Variants in NBPF11 observed in about 807,000 individuals in gnomAD.
NBPF11 encodes the protein NBPF family member NBPF11.
A neutral mutation model predicts 93.9 loss-of-function variants in NBPF11; 72 were observed. That is an observed-to-expected ratio of 0.77 (90% CI 0.63 to 0.93). The LOEUF (loss-of-function observed/expected upper bound fraction) is 0.93. Ranked by LOEUF, NBPF11 falls within the 40% of genes least tolerant of loss-of-function variation. The pLI is 0.00. For missense variants in NBPF11, 705 were observed against 802.2 expected (o/e 0.88, Z 1.46); for synonymous variants, 224 against 304.9 (o/e 0.73, Z 2.76).
chr1:148,121,249 G>A (rs1373134679), intron 9 of NBPF11, among the ~76,000 whole-genome samples: 29 of 151,758 alleles, frequency 1.9e-4, no homozygotes, highest in African/African-American at 6.1e-4. Context: ...TCGCCATCTT[G>A]GACAGGCTGG....
rs1434482830 is a variant in NBPF11, at chr1:148,108,338, G to A, written c.2026+144C>T. 64 of 666,984 alleles carry A rather than the reference G, an allele frequency of 9.6e-5. 1 individual carries two copies. In the South Asian group the frequency reaches 1.1e-3, roughly 12 times the overall value. The allele number at this position is 666,984 out of a possible 1,614,324, so 41.3% of individuals were successfully genotyped here. ...TTGTCTGGGCTTCCAAGTGGAACTA[G>A]AGTTTCACTCAACCTACATGTGCCT... On this transcript the variant is annotated intron_variant, in intron 18 of 23. Coordinates refer to ENST00000682118, the MANE Select transcript of NBPF11 (RefSeq NM_001385469.3).
chr1:148,141,750 G>A (rs1672202733), intron 2 of NBPF11, among the ~76,000 whole-genome samples: 2 of 151,710 alleles, frequency 1.3e-5, no homozygotes, highest in African/African-American at 2.4e-5. Context: ...GTGATGACTA[G>A]GAACCACTGA....
At chr1:148,124,853 GA>G in intron 6 of NBPF11, 45 bp downstream of exon 6, 6 of 1,598,768 alleles carry the variant, frequency 3.8e-6, no homozygotes, top group Non-Finnish European at 5.1e-6. Context: ...GTACTTCAGA[GA>G]TCTACACACC....
intron 17 of NBPF11, among the ~76,000 whole-genome samples, chr1:148,109,033 T>C (rs1208552133): frequency 6.6e-6 from 1 of 151,318 alleles, no homozygotes; most frequent in East Asian, 1.9e-4. Flanking sequence ...TGCTCAAGTT[T>C]CCCTGCAGTC....
In NBPF11 at chr1:148,103,677, G is replaced by T. The variant is rs1662814323; in HGVS notation, c.*219C>A. On this transcript the variant is annotated 3_prime_UTR_variant, in exon 24 of 24. Transcript: ENST00000682118. ...GGCTTAGTAAGGGCTGCTTATTGTGGGAATATGACTCCCATCTGGAAGACC... is the reference window on the plus strand; with the variant it reads ...GGCTTAGTAAGGGCTGCTTATTGTGTGAATATGACTCCCATCTGGAAGACC... 6.2e-7 allele frequency: 1 copy of T among 1,611,194 alleles called. No individual in the cohort carries two copies. The highest frequency in any genetic ancestry group is 8.5e-7 in the Non-Finnish European group (1 of 1,179,278).
intron 15 of NBPF11, among the ~76,000 whole-genome samples, chr1:148,111,746 G>A (rs1553268695): frequency 2.6e-5 from 4 of 151,788 alleles, no homozygotes. Context: ...ATAAATATGG[G>A]ACTATGTGAA....
At chr1:148,131,112 T>G (rs1356284584) in intron 4 of NBPF11, among the ~76,000 whole-genome samples, 2 of 147,050 alleles carry the variant, frequency 1.4e-5, no homozygotes, top group African/African-American at 5.1e-5. Flanking sequence ...CAGGCCTCCC[T>G]AAAAACTGTT....
intron 1 of NBPF11, chr1:148,146,387 C>T (rs1409204111): frequency 1.0e-4 from 162 of 1,581,642 alleles, no homozygotes; most frequent in Non-Finnish European, 1.2e-4. Flanking sequence ...GCCCGGGCGG[C>T]GCCCGCCATG....
In NBPF11 at chr1:148,126,908, T is replaced by C. The variant is rs1553273273; in HGVS notation, c.96A>G (p.Lys32=). The change falls in exon 5 of 24, where the codon AAA becomes AAG. Residue 32 remains lysine, a synonymous_variant. Coordinates refer to ENST00000682118, the MANE Select transcript of NBPF11 (RefSeq NM_001385469.3). ...TCTCTTTGAGGTTTCTGAACTGCTG[T>C]TTGTTCTCTGCCAACTGGGGGCGCA... ...EKLRPQLAEN[K]QQFRNLKERC... 58 of 1,367,294 alleles carry C rather than the reference T, an allele frequency of 4.2e-5. No homozygotes were observed. The African/African-American group carries it at 7.4e-4, about 17-fold the overall frequency. The allele number at this position is 1,367,294 out of a possible 1,614,324, so 84.7% of individuals were successfully genotyped here. A position where few individuals can be genotyped will look rare whatever the true frequency, so the allele number is the denominator to read the frequency against.
chr1:148,108,561 C>G lies in NBPF11; in HGVS notation c.1947G>C (p.Leu649=), dbSNP rs1270435514. The change falls in exon 18 of 24, where the codon CTG becomes CTC. Residue 649 remains leucine (L), a synonymous_variant. Coordinates refer to ENST00000682118, the MANE Select transcript of NBPF11 (RefSeq NM_001385469.3). Reference sequence around the variant, plus strand: ...TTCTGTAGGGCTGGCATGAGTCAGTCAGTCCAAGATAAACTGAAGGAGTTG... The same window carrying G: ...TTCTGTAGGGCTGGCATGAGTCAGTGAGTCCAAGATAAACTGAAGGAGTTG... ...CYSTPSVYLG[L]TDSCQPYRSA... is the part of the protein sequence containing the mutation. The G allele has an allele frequency of 1.2e-6, 2 of 1,604,022 alleles. No individual in the cohort carries two copies. Among genetic ancestry groups the G allele is most frequent in the African/African-American group, 1.4e-5 (1 of 73,926 alleles).
intron 1 of NBPF11, among the ~76,000 whole-genome samples, chr1:148,148,121 G>A (rs1647228545): frequency 6.6e-6 from 1 of 152,192 alleles, no homozygotes; most frequent in African/African-American, 2.4e-5. Flanking sequence ...GCAGGCCGGG[G>A]AGGCCGAGGC....
chr1:148,109,142 G>C (rs1301875572), intron 17 of NBPF11, 142 bp downstream of exon 17: 1 of 768,306 alleles, frequency 1.3e-6, no homozygotes, highest in Non-Finnish European at 2.4e-6. Flanking sequence ...ACTCTAATGA[G>C]AACCAAAAAA....
chr1:148,149,240 T>C, intron 1 of NBPF11: 3 of 1,587,604 alleles, frequency 1.9e-6, no homozygotes, highest in Non-Finnish European at 2.6e-6. Context: ...GGCCTCGCGC[T>C]ACGAGTGTGC....
intron 1 of NBPF11, among the ~76,000 whole-genome samples, chr1:148,150,085 A>AC (rs1267608002): frequency 6.6e-6 from 1 of 150,704 alleles, no homozygotes. Flanking sequence ...CTACATATAT[A>AC]CCCCAATATA....
At chr1:148,133,482 G>A (rs1670761230) in intron 4 of NBPF11, among the ~76,000 whole-genome samples, 1 of 152,014 alleles carries the variant, frequency 6.6e-6, no homozygotes, top group Non-Finnish European at 1.5e-5. Context: ...GGGGTTGGAA[G>A]TGTTGCCTTC....
chr1:148,122,293 A>T, intron 8 of NBPF11, 27 bp from the exon 9 acceptor site: 1 of 1,609,890 alleles, frequency 6.2e-7, no homozygotes, highest in East Asian at 2.2e-5. Context: ...GACAGAGATG[A>T]CAGAAGATTA....
At chr1:148,149,976 A>T (rs1647871328) in intron 1 of NBPF11, among the ~76,000 whole-genome samples, 1 of 151,744 alleles carries the variant, frequency 6.6e-6, no homozygotes, top group Admixed American at 6.6e-5. Flanking sequence ...TAACTGGAAT[A>T]TTCCCTGCTA....
intron 5 of NBPF11, among the ~76,000 whole-genome samples, chr1:148,126,062 G>A (rs1287610758): frequency 6.6e-6 from 1 of 151,804 alleles, no homozygotes; most frequent in African/African-American, 2.4e-5. Flanking sequence ...GTGCAATAGT[G>A]CAATCTTGAC....
chr1:148,136,232 G>A (rs1364367727), intron 3 of NBPF11, among the ~76,000 whole-genome samples: 2 of 151,790 alleles, frequency 1.3e-5, no homozygotes, highest in East Asian at 3.9e-4. Flanking sequence ...ATTTATCCAA[G>A]AGAAATTAAA....
Sources: gnomAD v4.1 joint callset for allele counts (sites outside exome capture counted in the v4.1 genomes callset) on GRCh38, gnomAD v4.1.1 for gene constraint, MANE v1.5 for transcripts, NCBI Gene and HGNC (gene_info 2026-07-23, HGNC 2026-07-21) for gene names.